The following RCBTB1 variants were observed in gnomAD, a reference collection of about 807,000 sequenced individuals.
RCBTB1 encodes RCC1 and BTB domain containing protein 1.
RCBTB1 carries 46 observed loss-of-function variants against 62.4 expected under a neutral mutation model. That is an observed-to-expected ratio of 0.74 (90% confidence interval 0.58 to 0.94). The LOEUF (loss-of-function observed/expected upper bound fraction) is 0.94. Among genes scored for constraint, RCBTB1 ranks in the 40% least tolerant of loss-of-function variants. The pLI is 0.00. For missense variants in RCBTB1, 565 were observed against 654.9 expected (o/e 0.86, Z 1.50); for synonymous variants, 222 against 245.8 (o/e 0.90, Z 0.91).
rs1288444050 is a variant in RCBTB1, at chr13:49,566,674, T to C, written c.221A>G (p.Lys74Arg). 27 of 1,614,088 alleles carry C rather than the reference T, an allele frequency of 1.7e-5. No homozygotes were observed. Among genetic ancestry groups the C allele is most frequent in the Non-Finnish European group, 2.3e-5 (27 of 1,180,022 alleles). The change falls in exon 4 of 13, where the codon AAG becomes AGG. Residue 74 changes from lysine (K) to arginine (R), a missense_variant. Physicochemically the swap from Lys to Arg is conservative, Grantham distance 26. Coordinates refer to ENST00000378302, the MANE Select transcript of RCBTB1 (RefSeq NM_018191.4). ...CCCGTAACTGAGGCTTTTAATCTTC[T>C]TTCCACATAAGCCTTCTAGCTTTTT... The part of the protein sequence containing the change: ...VPKKLEGLCG[K>R]KIKSLSYGSG...
intron 4 of RCBTB1, among the ~76,000 whole-genome samples, chr13:49,564,583 C>CAAAAAA (rs10710755): frequency 1.3e-4 from 5 of 39,320 alleles, no homozygotes; most frequent in African/African-American, 6.3e-4. Context: ...GACTCCTTCT[C>CAAAAAA]AAAAAAAAAA....
At chr13:49,543,934 G>A (rs1332627517) in intron 10 of RCBTB1, among the ~76,000 whole-genome samples, 2 of 152,004 alleles carry the variant, frequency 1.3e-5, no homozygotes, top group Admixed American at 6.6e-5. Context: ...TGATATTCCC[G>A]CCTTGGCCTC....
chr13:49,564,369 G>A (rs947338633), intron 4 of RCBTB1, among the ~76,000 whole-genome samples: 3 of 151,900 alleles, frequency 2.0e-5, no homozygotes, highest in Non-Finnish European at 2.9e-5. Flanking sequence ...GGCGGATCAC[G>A]AGGTCAGGAG....
chr13:49,561,755 C>CAA (rs925860518), intron 4 of RCBTB1, among the ~76,000 whole-genome samples: 1 of 143,328 alleles, frequency 7.0e-6, no homozygotes, highest in Non-Finnish European at 1.5e-5. Context: ...GAAAACCCTA[C>CAA]AAAAAAAAAA....
chr13:49,545,783 G>C (rs1050514688), intron 9 of RCBTB1, among the ~76,000 whole-genome samples: 1 of 152,074 alleles, frequency 6.6e-6, no homozygotes, highest in Non-Finnish European at 1.5e-5. Context: ...CAAAGACCTC[G>C]GCTTCCAAGC....
At chr13:49,563,086 G>A (rs1962579536) in intron 4 of RCBTB1, among the ~76,000 whole-genome samples, 1 of 151,174 alleles carries the variant, frequency 6.6e-6, no homozygotes, top group Non-Finnish European at 1.5e-5. Flanking sequence ...TTCCAAAGAG[G>A]AAAAAACAGT....
At chr13:49,575,427 G>A (rs980345791) in intron 2 of RCBTB1, among the ~76,000 whole-genome samples, 72 of 124,074 alleles carry the variant, frequency 5.8e-4, no homozygotes, top group African/African-American at 2.3e-3. Context: ...AAAATAAATT[G>A]TTCTACCAAA....
chr13:49,561,911 G>C (rs1168734619), intron 4 of RCBTB1, among the ~76,000 whole-genome samples: 2 of 148,524 alleles, frequency 1.3e-5, no homozygotes, highest in African/African-American at 5.0e-5. Context: ...GGCCAACACA[G>C]TGAAACCCCA....
intron 1 of RCBTB1, among the ~76,000 whole-genome samples, chr13:49,583,575 C>G (rs968424422): frequency 3.3e-5 from 5 of 151,854 alleles, no homozygotes; most frequent in Non-Finnish European, 7.4e-5. Context: ...GAGATGGAGT[C>G]TCACTGTGTC....
At position 49,549,584 on chromosome 13, in the gene RCBTB1, C is replaced by T. The variant is rs368217569; in HGVS notation, c.919G>A (p.Val307Met). 14 of 1,614,020 alleles carry T rather than the reference C, an allele frequency of 8.7e-6. No homozygotes were observed. Among genetic ancestry groups the T allele is most frequent in the African/African-American group, 1.3e-5 (1 of 74,932 alleles). ...TSAAKTQGGH[V>M]YMWGQCRGQS... is the part of the protein sequence containing the mutation. ...CCCCGGCACTGGCCCCACATGTACACGTGCCCACCCTGCGTCTTGGCTGCA... is the reference window on the plus strand; with the variant it reads ...CCCCGGCACTGGCCCCACATGTACATGTGCCCACCCTGCGTCTTGGCTGCA... Residue 307 changes from valine to methionine, a missense_variant, in exon 9 of 13, where the codon GTG becomes ATG. Transcript: ENST00000378302.
At chr13:49,584,663 A>C (rs887621653) in intron 1 of RCBTB1, among the ~76,000 whole-genome samples, 1 of 152,066 alleles carries the variant, frequency 6.6e-6, no homozygotes, top group East Asian at 2.0e-4. Context: ...TAGTCCTCCC[A>C]AAAAAAGAAT....
In RCBTB1 at chr13:49,544,892, G is replaced by T. The variant is rs200243704; in HGVS notation, c.1046-29C>A. 3 of 1,582,548 alleles carry T rather than the reference G, an allele frequency of 1.9e-6. No individual in the cohort carries two copies. In the South Asian group the frequency reaches 3.4e-5, roughly 18 times the overall value. On this transcript the variant is annotated intron_variant, in intron 9 of 12. Transcript: ENST00000378302. ...AAGGCAACAAACATATATTAATATG[G>T]CAAGTTCAAGGAACAGATTGAAGAT... is the stretch of plus-strand genomic sequence containing the variant.
intron 5 of RCBTB1, among the ~76,000 whole-genome samples, chr13:49,556,792 T>C (rs9568254): frequency 0.24 from 37,241 of 152,098 alleles, 5,908 homozygotes; most frequent in African/African-American, 0.44. Flanking sequence ...CATAAATATC[T>C]AGTTTAATTA....
Position 49,532,255 on chromosome 13 carries a change from T to C in RCBTB1, c.*1867A>G, listed in dbSNP as rs1443904087. The C allele has an allele frequency of 6.6e-6, 1 of 152,640 alleles. No homozygotes were observed. The highest frequency in any genetic ancestry group is 2.4e-5 in the African/African-American group (1 of 41,462). The allele number at this position is 152,640 out of a possible 1,614,324, so 9.5% of individuals were successfully genotyped here. On this transcript the variant is annotated 3_prime_UTR_variant, in exon 13 of 13. Coordinates refer to ENST00000378302, the MANE Select transcript of RCBTB1 (RefSeq NM_018191.4). ...TCACTGCCACACATATTCATACAAATGACTTAGTAATCTAATATGAGAAGT... is the reference window on the plus strand; with the variant it reads ...TCACTGCCACACATATTCATACAAACGACTTAGTAATCTAATATGAGAAGT...
chr13:49,534,227 A>G lies in RCBTB1; in HGVS notation c.1491T>C (p.Asn497=). The change falls in exon 13 of 13, where the codon AAT becomes AAC. Residue 497 remains asparagine, a synonymous_variant. Transcript: ENST00000378302. The stretch of plus-strand genomic sequence containing the variant: ...CAGTCTGTGTAACTTCTGTCAAATG[A>G]TTGATGCAAAACTTAAAGCAGAATT... ...LEEFCFKFCI[N]HLTEVTQTAA... is the part of the protein sequence containing the mutation. 6.2e-7 allele frequency: 1 copy of G among 1,614,072 alleles called. No individual in the cohort carries two copies. Among genetic ancestry groups the G allele is most frequent in the South Asian group, 1.1e-5 (1 of 91,062 alleles).
At chr13:49,574,630 A>G (rs893799160) in intron 2 of RCBTB1, among the ~76,000 whole-genome samples, 2 of 152,006 alleles carry the variant, frequency 1.3e-5, no homozygotes, top group African/African-American at 4.8e-5. Context: ...TTAAATGTAG[A>G]TGGTAGAAAT....
In RCBTB1 at chr13:49,566,766, G is replaced by A. The variant is rs145096562; in HGVS notation, c.129C>T (p.Val43=). The change falls in exon 4 of 13, where the codon GTC becomes GTT. Residue 43 remains valine, a splice_region_variant and synonymous_variant. Transcript: ENST00000378302. The part of the protein sequence containing the change: ...EALYVTDNDE[V]FVFGLNYSNC... ...TACTATAGTTCAGTCCAAATACAAA[G>A]ACCTAGAAAATAGATAGTTTTTTTT... The A allele has an allele frequency of 8.9e-5, 143 of 1,599,846 alleles. No individual in the cohort carries two copies. In the African/African-American group the frequency reaches 1.6e-3, roughly 18 times the overall value.
rs909408751 is a variant in RCBTB1, at chr13:49,532,789, T to C, written c.*1333A>G. The C allele has an allele frequency of 6.6e-6, 1 of 151,952 alleles. No homozygotes were observed. The highest frequency in any genetic ancestry group is 2.4e-5 in the African/African-American group (1 of 41,364). 9.4% of individuals were successfully genotyped at this position (151,952 alleles called of 1,614,324 possible). A position where few individuals can be genotyped will look rare whatever the true frequency, so the allele number is the denominator to read the frequency against. ...GGCTCCAGGTTCAGAAGAGAGACTT[T>C]CCAAGCAGGAGACAAAATTCACTAA... On this transcript the variant is annotated 3_prime_UTR_variant, in exon 13 of 13. Transcript: ENST00000378302.
At chr13:49,538,806 GTCTT>G (rs772859274) in intron 12 of RCBTB1, among the ~76,000 whole-genome samples, 14 of 151,162 alleles carry the variant, frequency 9.3e-5, no homozygotes, top group East Asian at 4.0e-4. Flanking sequence ...AAAGAGGTGA[GTCTT>G]TCTTTTTGTC....
Sources: allele counts gnomAD v4.1 joint callset (sites outside exome capture counted in the v4.1 genomes callset), GRCh38; gene constraint gnomAD v4.1.1; transcripts MANE v1.5; gene names NCBI Gene and HGNC (gene_info 2026-07-23, HGNC 2026-07-21).